The following ZNF99 variants were observed in gnomAD, a reference collection of about 807,000 sequenced individuals.
ZNF99 encodes the protein zinc finger protein ENSP00000375192.
ZNF99 carries 8 observed loss-of-function variants against 12.8 expected under a neutral mutation model. That is an observed-to-expected ratio of 0.62 (90% confidence interval 0.37 to 1.13). The LOEUF (loss-of-function observed/expected upper bound fraction) is 1.13. ZNF99 is among the 50% of genes most tolerant of loss of function. ZNF99 has a pLI of 0.02. For synonymous variants in ZNF99, 318 were observed against 319.0 expected (o/e 1.00, Z 0.03); for missense variants, 1,007 against 1,006.2 (o/e 1.00, Z -0.01).
At chr19:22,766,422 C>G (rs10404774) in intron 3 of ZNF99, among the ~76,000 whole-genome samples, 3 of 151,340 alleles carry the variant, frequency 2.0e-5, no homozygotes, top group Admixed American at 2.0e-4. Context: ...TCACCACAAC[C>G]TACGCCTCTG....
rs1973075610 is a variant in ZNF99 at position 22,757,261 on chromosome 19, G to A, written c.*53C>T. On this transcript the variant is annotated 3_prime_UTR_variant, in exon 4 of 4. Coordinates refer to ENST00000596209, the MANE Select transcript of ZNF99 (RefSeq NM_001080409.3). ...TATGTTTCCTAAGGGTTGAGGAATTGTTAAAAGCTTTGCCACATTCTTCAC... is the reference window on the plus strand; with the variant it reads ...TATGTTTCCTAAGGGTTGAGGAATTATTAAAAGCTTTGCCACATTCTTCAC... 3 of 1,587,180 alleles carry A rather than the reference G, an allele frequency of 1.9e-6. No homozygotes were observed. The highest frequency in any genetic ancestry group is 2.6e-6 in the Non-Finnish European group (3 of 1,162,460).
chr19:22,771,714 C>CTTT (rs34457637), intron 1 of ZNF99, among the ~76,000 whole-genome samples: 13 of 91,118 alleles, frequency 1.4e-4, no homozygotes, highest in Non-Finnish European at 2.4e-4. Flanking sequence ...ACAGGTGAAA[C>CTTT]TTTTTTTTTT....
intron 1 of ZNF99, chr19:22,774,045 C>G (rs1973300192): frequency 6.5e-6 from 1 of 153,966 alleles, no homozygotes; most frequent in South Asian, 2.0e-4. Context: ...ACTGTGACAG[C>G]CCACCTCTTT....
intron 3 of ZNF99, among the ~76,000 whole-genome samples, chr19:22,764,664 G>A (rs1441614527): frequency 2.6e-5 from 4 of 151,536 alleles, no homozygotes; most frequent in Non-Finnish European, 4.4e-5. Flanking sequence ...CATCAAAACT[G>A]AGCTAAGGAC....
At chr19:22,783,067 G>T (rs947436719) in intron 1 of ZNF99, among the ~76,000 whole-genome samples, 4 of 152,010 alleles carry the variant, frequency 2.6e-5, no homozygotes, top group African/African-American at 9.7e-5. Context: ...ATCACCTGAC[G>T]TCGGGAGTTC....
At chr19:22,765,997 A>G (rs534460584) in intron 3 of ZNF99, among the ~76,000 whole-genome samples, 1 of 152,236 alleles carries the variant, frequency 6.6e-6, no homozygotes, top group South Asian at 2.1e-4. Flanking sequence ...ATAGAATATA[A>G]AAACAAAATA....
At position 22,756,466 on chromosome 19, in the gene ZNF99, C is replaced by A; in HGVS notation, c.*848G>T. ...CTCTTCACATTTGTAGGGTTTCTTT[C>A]CAGTATGAATTATCCTATGTTTAGT... On this transcript the variant is annotated 3_prime_UTR_variant, in exon 4 of 4. Coordinates refer to ENST00000596209, the MANE Select transcript of ZNF99 (RefSeq NM_001080409.3). The A allele has an allele frequency of 6.3e-7, 1 of 1,593,792 alleles. No homozygotes were observed.
rs1244389138 is a variant in ZNF99 at position 22,758,850 on chromosome 19, G to C, written c.1059C>G (p.Ser353=). 6.2e-7 allele frequency: 1 copy of C among 1,605,740 alleles called. No individual in the cohort carries two copies. The change falls in exon 4 of 4, where the codon TCC becomes TCG. Residue 353 remains serine (S), a synonymous_variant. Coordinates refer to ENST00000596209, the MANE Select transcript of ZNF99 (RefSeq NM_001080409.3). ...CEECGKAFSQ[S]STLRKHEIIH... is the part of the protein sequence containing the mutation. ...TTATCTCATGTTTTCTAAGGGTTGA[G>C]GACTGGCTAAAAGCTTTGCCACATT...
chr19:22,781,403 CTTTTTTTT>C lies in ZNF99; in HGVS notation c.3+2603_3+2610del, dbSNP rs35970718. On this transcript the variant is annotated intron_variant, in intron 1 of 3. Transcript: ENST00000596209. ...TTCTTACACCATCTCATTGGGGTCA[CTTTTTTTT>C]TTTTTTTTTTTTTTTGTCGTTTGGG... Among the ~76,000 whole-genome samples, 573 of 87,964 alleles carry C rather than the reference CTTTTTTTT, an allele frequency of 6.5e-3. 6 individuals carry two copies. The highest frequency in any genetic ancestry group is 0.024 in the African/African-American group (541 of 22,814). 57.7% of individuals were successfully genotyped at this position (87,964 alleles called of 152,430 possible).
At position 22,760,617 on chromosome 19, in the gene ZNF99, A is replaced by T. The variant is rs557697188; in HGVS notation, c.227-935T>A. 4.2e-3 allele frequency among the ~76,000 whole-genome samples: 640 copies of T among 152,088 alleles called. 5 individuals carry two copies. The highest frequency in any genetic ancestry group is 5.8e-3 in the Non-Finnish European group (395 of 67,980). The stretch of plus-strand genomic sequence containing the variant: ...AAATTCGCCAGGTGTGGTGGCGGGC[A>T]TCTGTAGTCCCAGCTACTCAGGAGG... On this transcript the variant is annotated intron_variant, in intron 3 of 3. Transcript: ENST00000596209.
rs1324188469 is a variant in ZNF99 at position 22,759,689 on chromosome 19, G to C, written c.227-7C>G. On this transcript the variant is annotated splice_polypyrimidine_tract_variant and splice_region_variant and intron_variant, in intron 3 of 3. Transcript: ENST00000596209. ...GTAAAATGAGAACTAATAACTGGAA[G>C]AAATGAAAATAATAAATTATGTCAC... is the stretch of plus-strand genomic sequence containing the variant. 1.3e-6 allele frequency: 2 copies of C among 1,495,236 alleles called. No individual in the cohort carries two copies. The highest frequency in any genetic ancestry group is 1.4e-5 in the South Asian group (1 of 69,940). The allele number at this position is 1,495,236 out of a possible 1,614,324, so 92.6% of individuals were successfully genotyped here.
chr19:22,773,861 G>C (rs1973298407), intron 1 of ZNF99: 1 of 152,224 alleles, frequency 6.6e-6, no homozygotes, highest in Admixed American at 6.5e-5. Context: ...CTCAGAGAGG[G>C]AAGCCTGAGC....
intron 1 of ZNF99, among the ~76,000 whole-genome samples, chr19:22,777,626 C>T (rs1470450920): frequency 1.3e-5 from 2 of 152,124 alleles, no homozygotes; most frequent in Non-Finnish European, 2.9e-5. Flanking sequence ...TACGGCTCTA[C>T]TCTGATTAAT....
In ZNF99 at chr19:22,755,050, G is replaced by A. The variant is rs181859909; in HGVS notation, c.*2264C>T. The A allele has an allele frequency of 6.5e-4, 104 of 159,854 alleles. No homozygotes were observed. Among genetic ancestry groups the A allele is most frequent in the African/African-American group, 2.6e-3 (97 of 37,770 alleles). 9.9% of individuals were successfully genotyped at this position (159,854 alleles called of 1,614,324 possible). A position where few individuals can be genotyped will look rare whatever the true frequency, so the allele number is the denominator to read the frequency against. On this transcript the variant is annotated 3_prime_UTR_variant, in exon 4 of 4. Coordinates refer to ENST00000596209, the MANE Select transcript of ZNF99 (RefSeq NM_001080409.3). ...TGTGCCACTGCACTCCAGAGCCTGG[G>A]CAACTAGGGCGAAACTCTGTTTCAA...
In ZNF99 at chr19:22,754,126, G is replaced by A. The variant is rs146161527; in HGVS notation, c.*3188C>T. On this transcript the variant is annotated 3_prime_UTR_variant, in exon 4 of 4. Transcript: ENST00000596209. ...AATCCCAGCACTTTGGGGCACTTTG[G>A]GAGGCCAAGGCGGGTGGATCACTTG... 9.2e-4 allele frequency: 417 copies of A among 454,512 alleles called. 2 individuals are homozygous for A. The highest frequency in any genetic ancestry group is 7.0e-3 in the African/African-American group (353 of 50,094). 28.2% of individuals were successfully genotyped at this position (454,512 alleles called of 1,614,324 possible).
At chr19:22,773,944 C>T (rs1027243547) in intron 1 of ZNF99, 6 of 152,328 alleles carry the variant, frequency 3.9e-5, no homozygotes, top group African/African-American at 1.4e-4. Flanking sequence ...AACAGTAATT[C>T]AGCCTCAGTT....
At position 22,768,410 on chromosome 19, in the gene ZNF99, T is replaced by C; in HGVS notation, c.131-10A>G. ...TTAGAGACAGCGATACCTGTTTTAT[T>C]AAAAATAAATAACATAAATATTGCT... On this transcript the variant is annotated splice_polypyrimidine_tract_variant and intron_variant, in intron 2 of 3. Transcript: ENST00000596209. The C allele has an allele frequency of 6.3e-7, 1 of 1,596,124 alleles. No homozygotes were observed. The highest frequency in any genetic ancestry group is 8.5e-7 in the Non-Finnish European group (1 of 1,171,900).
Position 22,756,300 on chromosome 19 carries a change from CT to C in ZNF99, c.*1013del. On this transcript the variant is annotated 3_prime_UTR_variant, in exon 4 of 4. Coordinates refer to ENST00000596209, the MANE Select transcript of ZNF99 (RefSeq NM_001080409.3). ...CATTCTTCACATTTGTAGGTTTTCCCTCCAGTATGAATTGTTTTATGTTGAG... is the reference window on the plus strand; with the variant it reads ...CATTCTTCACATTTGTAGGTTTTCCCCCAGTATGAATTGTTTTATGTTGAG... 6.4e-7 allele frequency: 1 copy of C among 1,566,504 alleles called. No homozygotes were observed. The highest frequency in any genetic ancestry group is 8.7e-7 in the Non-Finnish European group (1 of 1,155,764).
rs1415735345 is a variant in ZNF99 at position 22,754,238 on chromosome 19, G to T, written c.*3076C>A. The T allele has an allele frequency of 2.3e-6, 1 of 438,848 alleles. No homozygotes were observed. Among genetic ancestry groups the T allele is most frequent in the Non-Finnish European group, 4.6e-6 (1 of 218,448 alleles). The allele number at this position is 438,848 out of a possible 1,614,324, so 27.2% of individuals were successfully genotyped here. On this transcript the variant is annotated 3_prime_UTR_variant, in exon 4 of 4. Coordinates refer to ENST00000596209, the MANE Select transcript of ZNF99 (RefSeq NM_001080409.3). ...AAAAATTAGCTGGGCGTGGTGGCAG[G>T]CGCCTGCAATCCCAGCTGCTTGGGA...
Sources: allele counts gnomAD v4.1 joint callset (sites outside exome capture counted in the v4.1 genomes callset), GRCh38; gene constraint gnomAD v4.1.1; transcripts MANE v1.5; gene names NCBI Gene and HGNC (gene_info 2026-07-23, HGNC 2026-07-21).